ADAM15: variants seen among roughly 807,000 people sequenced by gnomAD.
ADAM15 encodes the protein ADAM metallopeptidase domain 15.
Under a neutral mutation model 113.8 loss-of-function variants are expected in ADAM15, and 77 were observed. The ratio of observed to expected loss-of-function variants is 0.68; its 90% CI spans 0.56 to 0.82. ADAM15 has a LOEUF of 0.82. Among genes scored for constraint, ADAM15 ranks in the 40% least tolerant of loss-of-function variants. ADAM15 has a pLI of 0.00. For synonymous variants in ADAM15, 388 were observed against 454.1 expected (o/e 0.85, Z 1.85); for missense variants, 963 against 1,120.1 (o/e 0.86, Z 2.00).
rs905878944 is a variant in ADAM15 at position 155,061,919 on chromosome 1, C to T, written c.2368C>T (p.Arg790Ter). The change falls in exon 21 of 23, where the codon CGA becomes TGA. Residue 790 changes from arginine to a stop codon, truncating the protein, a stop_gained. Coordinates refer to ENST00000356955, the MANE Select transcript of ADAM15 (RefSeq NM_207197.3). LOFTEE classifies it high-confidence loss of function. ...CTCTGTTCAGGCTGAGCTGGCTGACCGACCCAATCCCCCTACCCGCCCTCT... is the reference window on the plus strand; with the variant it reads ...CTCTGTTCAGGCTGAGCTGGCTGACTGACCCAATCCCCCTACCCGCCCTCT... ...SKRLQAELAD[R>*]PNPPTRPLPA... 30 of 1,545,686 alleles carry T rather than the reference C, an allele frequency of 1.9e-5. No individual in the cohort carries two copies. Among genetic ancestry groups the T allele is most frequent in the South Asian group, 2.4e-5 (2 of 82,756 alleles).
At chr1:155,060,626 C>A (rs911886915) in intron 18 of ADAM15, 137 bp from the exon 19 acceptor site, 3 of 1,006,702 alleles carry the variant, frequency 3.0e-6, no homozygotes, top group East Asian at 2.4e-5. Context: ...TACTGCCCCC[C>A]ACCCCGGCCC....
rs1435259943 is a variant in ADAM15 at position 155,057,875 on chromosome 1, C to T, written c.1441C>T (p.Arg481Cys). The change falls in exon 14 of 23, where the codon CGT becomes TGT. Residue 481 changes from arginine (R) to cysteine (C), a missense_variant. Transcript: ENST00000356955. The surrounding 1 kb of genome is among the most constrained non-coding windows in gnomAD (Gnocchi z 5.0). ...CQLRPSGWQC[R>C]PTRGDCDLPE... ...GCTGCGCCCGTCTGGCTGGCAGTGT[C>T]GTCCTACCAGAGGGGATTGTGACTT... The T allele has an allele frequency of 4.3e-6, 7 of 1,613,316 alleles. No homozygotes were observed. The highest frequency in any genetic ancestry group is 1.7e-5 in the Admixed American group (1 of 60,020).
intron 1 of ADAM15, 31 bp from the exon 2 acceptor site, chr1:155,052,640 G>A (rs113354502): frequency 3.8e-6 from 6 of 1,577,216 alleles, no homozygotes; most frequent in African/African-American, 2.7e-5. Context: ...GATTCCCTCA[G>A]TACTGTCTTG....
At chr1:155,051,490 C>CG (rs1491214095) in intron 1 of ADAM15, 25 bp downstream of exon 1, 4 of 1,517,780 alleles carry the variant, frequency 2.6e-6, no homozygotes, top group East Asian at 2.7e-5. Flanking sequence ...TGGAGTGGGT[C>CG]GGGGGGCGGA....
In ADAM15 at chr1:155,057,588, C is replaced by T. The variant is rs533320195; in HGVS notation, c.1324-49C>T. 9.1e-4 allele frequency: 1,464 copies of T among 1,600,848 alleles called. 19 individuals carry two copies. In the South Asian group the frequency reaches 0.015, roughly 17 times the overall value. ...GAGGAGGAGAGATTGGAGGGAGGCTCACAGGCCCCACCTGCTCTGATGCCC... is the reference window on the plus strand; with the variant it reads ...GAGGAGGAGAGATTGGAGGGAGGCTTACAGGCCCCACCTGCTCTGATGCCC... On this transcript the variant is annotated intron_variant, in intron 12 of 22. Transcript: ENST00000356955. This position sits in a 1 kb window ranked among gnomAD's most constrained non-coding sequence, Gnocchi z 5.0.
chr1:155,052,991 C>A (rs1422026465), intron 2 of ADAM15, among the ~76,000 whole-genome samples: 1 of 152,140 alleles, frequency 6.6e-6, no homozygotes, highest in Non-Finnish European at 1.5e-5. Flanking sequence ...TCTGCCTCAG[C>A]CCCACCCAAC....
At chr1:155,059,820 A>G in intron 16 of ADAM15, 82 bp from the exon 17 acceptor site, 1 of 1,471,788 alleles carries the variant, frequency 6.8e-7, no homozygotes, top group Non-Finnish European at 9.4e-7. Context: ...CCAGTTGTAG[A>G]AATCTGAGAT....
In ADAM15 at chr1:155,052,603, G is replaced by A. The variant is rs1661214583; in HGVS notation, c.80-68G>A. The A allele has an allele frequency of 2.6e-6, 4 of 1,553,852 alleles. No individual in the cohort carries two copies. In the East Asian group the frequency reaches 9.6e-5, roughly 37 times the overall value. The stretch of plus-strand genomic sequence containing the variant: ...GGGCTGGGAGCTGGTGGATCTGAGG[G>A]CACCTGTCACCCCCAGCCCTGCTGT... On this transcript the variant is annotated intron_variant, in intron 1 of 22. Coordinates refer to ENST00000356955, the MANE Select transcript of ADAM15 (RefSeq NM_207197.3).
Position 155,056,523 on chromosome 1 carries a change from T to C in ADAM15, c.999+53T>C. On this transcript the variant is annotated intron_variant, in intron 10 of 22. Coordinates refer to ENST00000356955, the MANE Select transcript of ADAM15 (RefSeq NM_207197.3). The surrounding 1 kb of genome is among the most constrained non-coding windows in gnomAD (Gnocchi z 4.0). ...TTCCCAATTCAGTTCCTCCCAAGTG[T>C]GGTGGCATTTATGCACTGAAACCCC... 1 of 1,568,702 alleles carries C rather than the reference T, an allele frequency of 6.4e-7. No individual in the cohort carries two copies. The highest frequency in any genetic ancestry group is 8.8e-7 in the Non-Finnish European group (1 of 1,142,154).
rs1353896880 is a variant in ADAM15, at chr1:155,057,781, G to A, written c.1416+52G>A. The A allele has an allele frequency of 6.2e-7, 1 of 1,613,906 alleles. No individual in the cohort carries two copies. Among genetic ancestry groups the A allele is most frequent in the East Asian group, 2.2e-5 (1 of 44,868 alleles). ...GGAGCTCACCTGCCGGGGCCAAGGT[G>A]GAAAGGGTCATTCTGACCCCCGGCT... On this transcript the variant is annotated intron_variant, in intron 13 of 22. Coordinates refer to ENST00000356955, the MANE Select transcript of ADAM15 (RefSeq NM_207197.3). This position sits in a 1 kb window ranked among gnomAD's most constrained non-coding sequence, Gnocchi z 5.0.
In ADAM15 at chr1:155,056,049, A is replaced by G. The variant is rs1246107184; in HGVS notation, c.745-31A>G. 3.1e-6 allele frequency: 5 copies of G among 1,612,000 alleles called. No homozygotes were observed. Among genetic ancestry groups the G allele is most frequent in the Non-Finnish European group, 4.2e-6 (5 of 1,179,678 alleles). On this transcript the variant is annotated intron_variant, in intron 8 of 22. Transcript: ENST00000356955. The surrounding 1 kb of genome is among the most constrained non-coding windows in gnomAD (Gnocchi z 4.0). ...CCACCCCAGGCCCCTGACCATGGCA[A>G]CCCCTCTTCTGAGCCCCAGCTGTCT... is the stretch of plus-strand genomic sequence containing the variant.
Position 155,051,429 on chromosome 1 carries a change from G to A in ADAM15, c.43G>A (p.Gly15Ser), listed in dbSNP as rs1198578243. The A allele has an allele frequency of 1.3e-6, 2 of 1,568,322 alleles. No homozygotes were observed. The highest frequency in any genetic ancestry group is 1.2e-5 in the South Asian group (1 of 85,748). Residue 15 changes from glycine (G) to serine (S), a missense_variant, in exon 1 of 23, where the codon GGC becomes AGC. By Grantham distance (56) the Gly-to-Ser change is moderately conservative. Transcript: ENST00000356955. Reference protein sequence around the residue: ...LLWALGLLGAGSPLPSWPLPN... With the variant: ...LLWALGLLGASSPLPSWPLPN... ...CTGGGCCCTGGGGCTCCTGGGCGCG[G>A]GCAGCCCTCTGCCTTCCTGGCCGCT... is the stretch of plus-strand genomic sequence containing the variant.
chr1:155,053,626 T>C, intron 3 of ADAM15, 133 bp downstream of exon 3: 1 of 962,308 alleles, frequency 1.0e-6, no homozygotes, highest in Non-Finnish European at 1.6e-6. Context: ...CTATCATGTA[T>C]TATTGTCCTC....
chr1:155,061,364 C>T (rs2102426399), intron 19 of ADAM15, 51 bp from the exon 20 acceptor site: 6 of 1,543,180 alleles, frequency 3.9e-6, no homozygotes, highest in South Asian at 1.2e-5. Context: ...CACTCTGTCT[C>T]TCTGCTTCCT....
intron 20 of ADAM15, 82 bp downstream of exon 20, chr1:155,061,571 G>C: frequency 2.1e-6 from 3 of 1,413,290 alleles, no homozygotes; most frequent in Non-Finnish European, 2.9e-6. Context: ...CCTGCTCCCT[G>C]CCAGTGGTGC....
At chr1:155,061,730 C>T in intron 20 of ADAM15, 174 bp from the exon 21 acceptor site, 1 of 839,660 alleles carries the variant, frequency 1.2e-6, no homozygotes, top group Non-Finnish European at 1.8e-6. Flanking sequence ...TTGACCTACA[C>T]CTTCCTCCCC....
In ADAM15 at chr1:155,057,510, G is replaced by A; in HGVS notation, c.1324-127G>A. ...CCCTGTCTGTGGGGACAGCACATGG[G>A]TTGTTGGGCTCTAGCCCTCGCTTGC... On this transcript the variant is annotated intron_variant, in intron 12 of 22. Coordinates refer to ENST00000356955, the MANE Select transcript of ADAM15 (RefSeq NM_207197.3). This position sits in a 1 kb window ranked among gnomAD's most constrained non-coding sequence, Gnocchi z 5.0. 1 of 1,486,786 alleles carries A rather than the reference G, an allele frequency of 6.7e-7. No individual in the cohort carries two copies. The highest frequency in any genetic ancestry group is 1.2e-5 in the South Asian group (1 of 83,592). The allele number at this position is 1,486,786 out of a possible 1,614,324, so 92.1% of individuals were successfully genotyped here.
rs754080993 is a variant in ADAM15, at chr1:155,056,346, G to A, written c.915-40G>A. 29 of 1,611,830 alleles carry A rather than the reference G, an allele frequency of 1.8e-5. 1 individual carries two copies. Among genetic ancestry groups the A allele is most frequent in the South Asian group, 7.7e-5 (7 of 90,974 alleles). On this transcript the variant is annotated intron_variant, in intron 9 of 22. Coordinates refer to ENST00000356955, the MANE Select transcript of ADAM15 (RefSeq NM_207197.3). The surrounding 1 kb of genome is among the most constrained non-coding windows in gnomAD (Gnocchi z 4.0). The stretch of plus-strand genomic sequence containing the variant: ...CTCAGCCCCTGAAGCTCTGACCACC[G>A]TGGCTTCTGGCCCTGAACTTTAGCC...
intron 19 of ADAM15, 146 bp from the exon 20 acceptor site, chr1:155,061,269 C>T (rs1424357660): frequency 3.3e-6 from 2 of 612,956 alleles, no homozygotes; most frequent in Non-Finnish European, 5.8e-6. Flanking sequence ...CGCTCCCCAC[C>T]TGCATGCACC....
Sources: gnomAD v4.1 joint callset for allele counts (sites outside exome capture counted in the v4.1 genomes callset) on GRCh38, gnomAD v4.1.1 for gene constraint, Gnocchi (gnomAD v3.1) non-coding constraint, MANE v1.5 for transcripts, NCBI Gene and HGNC (gene_info 2026-07-23, HGNC 2026-07-21) for gene names.